SEM1: variants seen among roughly 807,000 people sequenced by gnomAD.
SEM1 encodes the protein SEM1 26S proteasome subunit, also known as 26S proteasome complex subunit SEM1.
SEM1 carries 3 observed loss-of-function variants against 12.7 expected under a neutral mutation model. That is an observed-to-expected ratio of 0.24 (90% CI 0.11 to 0.61). The LOEUF (loss-of-function observed/expected upper bound fraction) is 0.61. SEM1 is among the 20% of genes least tolerant of loss of function. The pLI, the probability that SEM1 is intolerant of heterozygous loss-of-function variation, is 0.88. For missense variants in SEM1, 59 were observed against 81.3 expected, an observed-to-expected ratio of 0.73 and a Z score of 1.06; for synonymous variants, 30 against 27.8, an observed-to-expected ratio of 1.08 and a Z score of -0.25.
Position 96,645,494 on chromosome 7 carries a change from G to T in SEM1, c.171-22851C>A, listed in dbSNP as rs143074266. 2.0e-3 allele frequency: 662 copies of T among 328,392 alleles called. 12 individuals are homozygous for T. The Admixed American group carries it at 0.029, about 14-fold the overall frequency. The allele number at this position is 328,392 out of a possible 1,614,324, so 20.3% of individuals were successfully genotyped here. A position where few individuals can be genotyped will look rare whatever the true frequency, so the allele number is the denominator to read the frequency against. On this transcript the variant is annotated intron_variant, in intron 2 of 2. Transcript: ENST00000417009. ...AAGTGCTCCTCAGGTAGACAAGTTG[G>T]GTGTTGGGGGCAGGATGGGAAGGAA...
In SEM1 at chr7:96,665,952, G is replaced by A. The variant is rs144002191; in HGVS notation, c.170+28846C>T. ...GGTTAAGTAACTTACCTATGACCACGCAGCTAGTAAGGGTATGAAACAGCA... is the reference window on the plus strand; with the variant it reads ...GGTTAAGTAACTTACCTATGACCACACAGCTAGTAAGGGTATGAAACAGCA... On this transcript the variant is annotated intron_variant, in intron 2 of 2. Transcript: ENST00000417009. 7.3e-3 allele frequency among the ~76,000 whole-genome samples: 1,115 copies of A among 152,240 alleles called. 4 individuals are homozygous for A. Among genetic ancestry groups the A allele is most frequent in the Middle Eastern group, 0.02 (6 of 294 alleles).
intron 2 of SEM1, among the ~76,000 whole-genome samples, chr7:96,560,402 C>A (rs1321431376): frequency 2.0e-5 from 3 of 151,958 alleles, no homozygotes; most frequent in Admixed American, 2.0e-4. Context: ...ATGAGTTTTG[C>A]TTTTTTCATA....
At chr7:96,483,820 C>G in exon 4 of SEM1, 1 of 1,535,984 alleles carries the variant, frequency 6.5e-7, no homozygotes, top group Non-Finnish European at 8.7e-7. Context: ...GATGTGGGCA[C>G]CATATGACCA....
intron 2 of SEM1, among the ~76,000 whole-genome samples, chr7:96,564,416 A>C (rs1805784607): frequency 6.7e-6 from 1 of 149,298 alleles, no homozygotes; most frequent in African/African-American, 2.5e-5. Flanking sequence ...GATGCCATCC[A>C]AAAAAAAAAT....
chr7:96,579,974 T>G (rs1048414509), intron 2 of SEM1, among the ~76,000 whole-genome samples: 4 of 151,854 alleles, frequency 2.6e-5, no homozygotes, highest in African/African-American at 4.8e-5. Flanking sequence ...ATTTATTTAT[T>G]TATTATTATT....
chr7:96,599,574 A>G (rs768079177), intron 2 of SEM1, among the ~76,000 whole-genome samples: 40 of 152,172 alleles, frequency 2.6e-4, no homozygotes, highest in Non-Finnish European at 5.6e-4. Flanking sequence ...TCTCATCTTT[A>G]TAAGTATTGT....
intron 2 of SEM1, among the ~76,000 whole-genome samples, chr7:96,533,063 G>A (rs1197331709): frequency 6.6e-6 from 1 of 152,020 alleles, no homozygotes; most frequent in Non-Finnish European, 1.5e-5. Context: ...TTTCTGGGAG[G>A]AAGTTCCATC....
At chr7:96,554,776 A>G (rs1321446340) in intron 2 of SEM1, among the ~76,000 whole-genome samples, 2 of 151,472 alleles carry the variant, frequency 1.3e-5, no homozygotes, top group Non-Finnish European at 2.9e-5. Flanking sequence ...GAATGGTACC[A>G]GTTCCTCCTT....
intron 2 of SEM1, chr7:96,650,527 A>T: frequency 1.3e-6 from 1 of 751,692 alleles, no homozygotes; most frequent in Non-Finnish European, 2.4e-6. Context: ...CAGCTTTAGC[A>T]TGAAAGGAGA....
intron 2 of SEM1, among the ~76,000 whole-genome samples, chr7:96,571,519 T>C (rs928272819): frequency 6.6e-6 from 1 of 151,794 alleles, no homozygotes; most frequent in Non-Finnish European, 1.5e-5. Context: ...GTTGTAGATG[T>C]GTGGCATGAT....
chr7:96,562,195 T>TA (rs1009945684), intron 2 of SEM1, among the ~76,000 whole-genome samples: 3 of 152,202 alleles, frequency 2.0e-5, no homozygotes, highest in African/African-American at 7.2e-5. Flanking sequence ...CAGTGTACAT[T>TA]AAAAAATCAT....
chr7:96,630,120 A>G (rs1418873366), intron 2 of SEM1, among the ~76,000 whole-genome samples: 1 of 152,138 alleles, frequency 6.6e-6, no homozygotes, highest in Non-Finnish European at 1.5e-5. Flanking sequence ...GGCTTACCAT[A>G]ACCAGTCCTT....
rs1227720473 is a variant in SEM1 at position 96,531,110 on chromosome 7, A to T, written c.171-24412T>A. On this transcript the variant is annotated intron_variant and NMD_transcript_variant, in intron 2 of 3. Coordinates refer to the SEM1 transcript ENST00000466986. ...AGCTAAAAGTCATGTTGGAGATATT[A>T]TTATGGATGAAGTAAGACATAAGGG... 2.0e-5 allele frequency among the ~76,000 whole-genome samples: 3 copies of T among 152,134 alleles called. 1 individual carries two copies. The highest frequency in any genetic ancestry group is 1.3e-4 in the Admixed American group (2 of 15,264).
At chr7:96,699,749 A>C (rs574296162) in intron 1 of SEM1, among the ~76,000 whole-genome samples, 1 of 152,316 alleles carries the variant, frequency 6.6e-6, no homozygotes, top group Middle Eastern at 3.4e-3. Context: ...CTATCAGTTG[A>C]AGGAAACCAA....
chr7:96,548,219 G>A (rs1328134104), intron 2 of SEM1, among the ~76,000 whole-genome samples: 3 of 151,954 alleles, frequency 2.0e-5, no homozygotes, highest in Non-Finnish European at 2.9e-5. Flanking sequence ...CATGATTTTC[G>A]ATTCTTAATC....
chr7:96,558,370 A>G (rs1805593848), intron 2 of SEM1: 1 of 152,278 alleles, frequency 6.6e-6, no homozygotes. Context: ...ACAAGCATGC[A>G]TGTGACGGTG....
intron 2 of SEM1, among the ~76,000 whole-genome samples, chr7:96,668,131 T>C (rs1789217919): frequency 6.6e-6 from 1 of 152,168 alleles, no homozygotes; most frequent in Non-Finnish European, 1.5e-5. Context: ...AGAAAAGAAA[T>C]GAAATTGTAG....
downstream of SEM1, among the ~76,000 whole-genome samples, chr7:96,687,381 C>T (rs1462580363): frequency 2.6e-5 from 4 of 152,142 alleles, no homozygotes; most frequent in Non-Finnish European, 5.9e-5. Flanking sequence ...GACTTGGAAC[C>T]AACCCAAATG....
At chr7:96,607,411 A>G (rs1274543861) in intron 2 of SEM1, among the ~76,000 whole-genome samples, 1 of 152,240 alleles carries the variant, frequency 6.6e-6, no homozygotes, top group Admixed American at 6.5e-5. Context: ...TTGAGAGTTT[A>G]GAATATATTG....
Sources: gnomAD v4.1 joint callset for allele counts (sites outside exome capture counted in the v4.1 genomes callset) on GRCh38, gnomAD v4.1.1 for gene constraint, MANE v1.5 for transcripts, NCBI Gene and HGNC (gene_info 2026-07-23, HGNC 2026-07-21) for gene names.